The following STPG2 variants were observed in gnomAD, a reference collection of about 807,000 sequenced individuals.
STPG2 encodes sperm-tail PG-rich repeat-containing protein 2.
STPG2 carries 56 observed loss-of-function variants against 54.2 expected under a neutral mutation model. That is an observed-to-expected ratio of 1.03 (90% CI 0.83 to 1.29). The LOEUF is 1.29. Ranked by LOEUF, STPG2 falls within the 50% of genes most tolerant of loss-of-function variation. The probability of loss-of-function intolerance (pLI) is 0.00; values close to 1 mark genes in which losing one functional copy is unlikely to be tolerated. For missense variants in STPG2, 596 were observed against 544.9 expected (o/e 1.09, Z -0.93); for synonymous variants, 200 against 181.8 (o/e 1.10, Z -0.81).
intron 8 of STPG2, among the ~76,000 whole-genome samples, chr4:97,935,634 A>G (rs1039297429): frequency 2.0e-5 from 3 of 152,026 alleles, no homozygotes; most frequent in African/African-American, 7.2e-5. Context: ...TAATTTCATT[A>G]TTTACCCAGG....
At chr4:97,843,129 G>A (rs1043763747) in intron 8 of STPG2, among the ~76,000 whole-genome samples, 1 of 151,684 alleles carries the variant, frequency 6.6e-6, no homozygotes, top group African/African-American at 2.4e-5. Context: ...ATAAAGAAGG[G>A]ACATGAAGAA....
At chr4:97,600,007 T>C (rs755629370) in intron 10 of STPG2, among the ~76,000 whole-genome samples, 1 of 152,244 alleles carries the variant, frequency 6.6e-6, no homozygotes, top group African/African-American at 2.4e-5. Context: ...AAATAGTGCA[T>C]GTCCTCACTT....
At chr4:97,934,910 G>C (rs967840716) in intron 8 of STPG2, among the ~76,000 whole-genome samples, 1 of 152,070 alleles carries the variant, frequency 6.6e-6, no homozygotes, top group Non-Finnish European at 1.5e-5. Flanking sequence ...TCAGTTGTTT[G>C]GAATTGTTTT....
intron 5 of STPG2, among the ~76,000 whole-genome samples, chr4:98,020,213 A>C (rs1736128917): frequency 7.5e-6 from 1 of 132,738 alleles, no homozygotes; most frequent in South Asian, 2.6e-4. Flanking sequence ...ATTTATTGAG[A>C]GTTTTTAGCA....
chr4:97,519,330 G>A (rs1731136229), intron 4 of STPG2, among the ~76,000 whole-genome samples: 1 of 151,940 alleles, frequency 6.6e-6, no homozygotes, highest in Non-Finnish European at 1.5e-5. Flanking sequence ...CATCAGTACT[G>A]TCTTCCCATC....
intron 10 of STPG2, among the ~76,000 whole-genome samples, chr4:97,670,128 T>C (rs1286086578): frequency 6.6e-6 from 1 of 152,162 alleles, no homozygotes; most frequent in African/African-American, 2.4e-5. Flanking sequence ...ATAACATTTT[T>C]TGATGAGCAA....
chr4:97,656,389 A>G (rs1722219253), intron 10 of STPG2, among the ~76,000 whole-genome samples: 1 of 152,110 alleles, frequency 6.6e-6, no homozygotes, highest in African/African-American at 2.4e-5. Flanking sequence ...TGTGCTTCAG[A>G]GTGTGGGAAG....
intron 9 of STPG2, among the ~76,000 whole-genome samples, chr4:97,839,009 C>T (rs1229687806): frequency 4.6e-5 from 7 of 151,688 alleles, no homozygotes; most frequent in Admixed American, 2.0e-4. Context: ...AAGCTGTCTA[C>T]TCTGCAGTTG....
intron 9 of STPG2, among the ~76,000 whole-genome samples, chr4:97,722,057 C>A (rs1382445195): frequency 6.9e-6 from 1 of 145,454 alleles, no homozygotes; most frequent in African/African-American, 2.8e-5. Flanking sequence ...TGTCCCCCTC[C>A]CCTCCTTTTT....
chr4:97,921,881 T>G (rs570515813), intron 8 of STPG2, among the ~76,000 whole-genome samples: 2 of 152,260 alleles, frequency 1.3e-5, no homozygotes, highest in Admixed American at 1.3e-4. Context: ...ACAATATGAA[T>G]GAACCTAGAG....
intron 6 of STPG2, among the ~76,000 whole-genome samples, chr4:97,978,418 C>T (rs985960647): frequency 3.3e-5 from 5 of 152,086 alleles, no homozygotes; most frequent in African/African-American, 1.2e-4. Flanking sequence ...AACATAAAAC[C>T]AAATACCACA....
chr4:97,848,004 C>G (rs994954910), intron 8 of STPG2, among the ~76,000 whole-genome samples: 2 of 152,136 alleles, frequency 1.3e-5, no homozygotes, highest in Non-Finnish European at 2.9e-5. Context: ...CTTCTAGTCC[C>G]CAACCATTTG....
At chr4:97,679,755 T>A (rs1242228656) in intron 10 of STPG2, among the ~76,000 whole-genome samples, 1 of 152,198 alleles carries the variant, frequency 6.6e-6, no homozygotes, top group Non-Finnish European at 1.5e-5. Context: ...TTTTTATGGT[T>A]TTAGGTCTAA....
chr4:97,714,220 G>A (rs1365117143), intron 9 of STPG2, among the ~76,000 whole-genome samples: 4 of 152,078 alleles, frequency 2.6e-5, no homozygotes, highest in Admixed American at 6.6e-5. Context: ...TCTTGTTGAT[G>A]CTTTAAAATC....
chr4:97,622,079 G>A (rs930967577), intron 10 of STPG2, among the ~76,000 whole-genome samples: 5 of 151,908 alleles, frequency 3.3e-5, no homozygotes, highest in African/African-American at 4.8e-5. Context: ...ATTCAATATC[G>A]CTTCATATCG....
At chr4:97,710,791 A>G (rs1027035892) in intron 10 of STPG2, among the ~76,000 whole-genome samples, 5 of 152,158 alleles carry the variant, frequency 3.3e-5, no homozygotes, top group African/African-American at 1.2e-4. Context: ...GTATTTATTG[A>G]AAAAGGTTTT....
At chr4:98,022,422 G>C (rs1048423368) in intron 5 of STPG2, among the ~76,000 whole-genome samples, 3 of 152,040 alleles carry the variant, frequency 2.0e-5, no homozygotes, top group Non-Finnish European at 4.4e-5. Flanking sequence ...TGTGGGTAAC[G>C]TGACCTTTCT....
intron 5 of STPG2, among the ~76,000 whole-genome samples, chr4:98,075,396 C>G (rs1218712531): frequency 2.0e-5 from 3 of 152,164 alleles, no homozygotes; most frequent in African/African-American, 7.2e-5. Flanking sequence ...CTTTCCTAAC[C>G]CTGTGAAACT....
chr4:97,740,172 G>A (rs1725174674), intron 9 of STPG2, among the ~76,000 whole-genome samples: 1 of 152,160 alleles, frequency 6.6e-6, no homozygotes, highest in Non-Finnish European at 1.5e-5. Context: ...AACGCTTCAT[G>A]CTAAAAACTC....
Sources: allele counts gnomAD v4.1 joint callset (sites outside exome capture counted in the v4.1 genomes callset), GRCh38; gene constraint gnomAD v4.1.1; transcripts MANE v1.5; gene names NCBI Gene and HGNC (gene_info 2026-07-23, HGNC 2026-07-21).